ALMS1: variants seen among roughly 807,000 people sequenced by gnomAD.
ALMS1 encodes centrosome-associated protein ALMS1.
ALMS1 carries 271 observed loss-of-function variants against 352.2 expected under a neutral mutation model. The ratio of observed to expected loss-of-function variants is 0.77; its 90% CI spans 0.70 to 0.85. ALMS1 has a LOEUF of 0.85. ALMS1 is among the 40% of genes least tolerant of loss of function. ALMS1 has a pLI of 0.00. For missense variants in ALMS1, 5,445 were observed against 4,870.7 expected, an observed-to-expected ratio of 1.12 and a Z score of -3.51; for synonymous variants, 1,865 against 1,761.2, an observed-to-expected ratio of 1.06 and a Z score of -1.48.
intron 14 of ALMS1, 115 bp downstream of exon 14, chr2:73,557,469 T>G: frequency 7.6e-7 from 1 of 1,309,028 alleles, no homozygotes; most frequent in East Asian, 2.5e-5. Flanking sequence ...TGTCTTCAGC[T>G]CTCTTCTATC....
intron 18 of ALMS1, 133 bp from the exon 19 acceptor site, chr2:73,601,062 T>A (rs923679363): frequency 6.7e-7 from 1 of 1,484,388 alleles, no homozygotes; most frequent in African/African-American, 1.4e-5. Context: ...AAAACCAGAC[T>A]CAAGGGCACC....
intron 7 of ALMS1, 98 bp downstream of exon 7, chr2:73,432,389 TA>T: frequency 1.3e-6 from 1 of 798,194 alleles, no homozygotes; most frequent in Non-Finnish European, 2.1e-6. Context: ...TTAATATCTA[TA>T]ATAATTATAC....
chr2:73,404,647 CT>C (rs2103665830), intron 1 of ALMS1, among the ~76,000 whole-genome samples: 1 of 152,042 alleles, frequency 6.6e-6, no homozygotes, highest in Admixed American at 6.6e-5. Flanking sequence ...GTGTGTAATC[CT>C]TTTAACGTAC....
At chr2:73,425,859 T>G (rs1477090463) in intron 5 of ALMS1, among the ~76,000 whole-genome samples, 1 of 152,186 alleles carries the variant, frequency 6.6e-6, no homozygotes, top group Non-Finnish European at 1.5e-5. Flanking sequence ...GGCATCCAAA[T>G]TTAAAATTAC....
rs751305929 is a variant in ALMS1 at position 73,573,328 on chromosome 2, G to A, written c.11451G>A (p.Arg3817=). 6 of 1,613,950 alleles carry A rather than the reference G, an allele frequency of 3.7e-6. No individual in the cohort carries two copies. The South Asian group carries it at 4.4e-5, about 12-fold the overall frequency. The stretch of plus-strand genomic sequence containing the variant: ...ATAGCAGCATCACCAACCAACAGAG[G>A]AGATACCTTGAGAAGCGGAGCAAAC... ...KLYSSITNQQ[R]RYLEKRSKHS... Residue 3817 remains arginine (R), a synonymous_variant, in exon 16 of 23, where the codon AGG becomes AGA. Transcript: ENST00000613296.
chr2:73,472,681 C>T (rs1446454926), intron 9 of ALMS1, among the ~76,000 whole-genome samples: 2 of 152,040 alleles, frequency 1.3e-5, no homozygotes, highest in African/African-American at 4.8e-5. Context: ...TGCTCACCTA[C>T]CATTCCTTGT....
intron 1 of ALMS1, among the ~76,000 whole-genome samples, chr2:73,406,699 C>T (rs1331217499): frequency 6.6e-6 from 1 of 152,142 alleles, no homozygotes; most frequent in Non-Finnish European, 1.5e-5. Flanking sequence ...TATAGCTTTG[C>T]CCCCCAACCT....
At position 73,600,999 on chromosome 2, in the gene ALMS1, C is replaced by T. The variant is rs532735941; in HGVS notation, c.11872+118C>T. 4.3e-6 allele frequency: 6 copies of T among 1,407,076 alleles called. No homozygotes were observed. In the East Asian group the frequency reaches 7.3e-5, roughly 17 times the overall value. 87.2% of individuals were successfully genotyped at this position (1,407,076 alleles called of 1,614,324 possible). A position where few individuals can be genotyped will look rare whatever the true frequency, so the allele number is the denominator to read the frequency against. ...GGTCCCCACCTACCCCCAGCCACAA[C>T]CTTGTCAGGTTTTCAGAGTCCAGCA... On this transcript the variant is annotated intron_variant, in intron 18 of 22. Coordinates refer to ENST00000613296, the MANE Select transcript of ALMS1 (RefSeq NM_001378454.1).
At chr2:73,520,165 T>C (rs1673647750) in intron 11 of ALMS1, 149 bp downstream of exon 11, 2 of 1,006,036 alleles carry the variant, frequency 2.0e-6, no homozygotes, top group South Asian at 2.9e-5. Context: ...TTTATTTGCA[T>C]AGCTGTCAAC....
chr2:73,485,744 G>A (rs981180229), intron 9 of ALMS1, among the ~76,000 whole-genome samples: 14 of 152,238 alleles, frequency 9.2e-5, no homozygotes, highest in African/African-American at 2.9e-4. Context: ...GGCCTAGGAC[G>A]CTCGGAGCCA....
chr2:73,604,280 C>T (rs1185424652), intron 21 of ALMS1, among the ~76,000 whole-genome samples: 2 of 152,130 alleles, frequency 1.3e-5, no homozygotes, highest in African/African-American at 2.4e-5. Context: ...TTTCTGTAAT[C>T]CTACCTACTC....
At chr2:73,433,581 G>T (rs556164205) in intron 7 of ALMS1, among the ~76,000 whole-genome samples, 17 of 152,230 alleles carry the variant, frequency 1.1e-4, no homozygotes, top group African/African-American at 3.6e-4. Flanking sequence ...GGTAGAAATT[G>T]AATAAAAATT....
intron 11 of ALMS1, among the ~76,000 whole-genome samples, chr2:73,522,812 C>T (rs1673713145): frequency 6.6e-6 from 1 of 152,096 alleles, no homozygotes; most frequent in Non-Finnish European, 1.5e-5. Context: ...CTTTAGAGGT[C>T]ACTTTGCCAT....
At chr2:73,563,458 C>G (rs768489301) in intron 15 of ALMS1, among the ~76,000 whole-genome samples, 2 of 152,076 alleles carry the variant, frequency 1.3e-5, no homozygotes, top group African/African-American at 4.8e-5. Flanking sequence ...TGCGGTGGCT[C>G]ACGCCTGTAA....
intron 2 of ALMS1, among the ~76,000 whole-genome samples, chr2:73,409,882 T>G (rs1671043934): frequency 6.6e-6 from 1 of 152,112 alleles, no homozygotes; most frequent in South Asian, 2.1e-4. Flanking sequence ...TCCAAAGGCT[T>G]GAGAACCAGG....
intron 9 of ALMS1, among the ~76,000 whole-genome samples, chr2:73,483,409 C>T (rs931959916): frequency 6.6e-6 from 1 of 151,624 alleles, no homozygotes; most frequent in Admixed American, 6.6e-5. Context: ...ATCTTGAGTT[C>T]TAGTTTGATT....
At chr2:73,558,560 T>C (rs1324144257) in intron 14 of ALMS1, among the ~76,000 whole-genome samples, 1 of 152,232 alleles carries the variant, frequency 6.6e-6, no homozygotes. Context: ...CCTTATAAAT[T>C]CTATAATCAA....
chr2:73,401,717 T>C (rs1323866253), intron 1 of ALMS1, among the ~76,000 whole-genome samples: 2 of 152,144 alleles, frequency 1.3e-5, no homozygotes, highest in African/African-American at 4.8e-5. Context: ...TAAAATCCTT[T>C]TAGCAAGAAT....
chr2:73,504,682 A>G (rs1673284587), intron 10 of ALMS1, among the ~76,000 whole-genome samples: 1 of 152,200 alleles, frequency 6.6e-6, no homozygotes, highest in Non-Finnish European at 1.5e-5. Flanking sequence ...CACCTGTTGA[A>G]GGACATTGTT....
Sources: allele counts gnomAD v4.1 joint callset (sites outside exome capture counted in the v4.1 genomes callset), GRCh38; gene constraint gnomAD v4.1.1; transcripts MANE v1.5; gene names NCBI Gene and HGNC (gene_info 2026-07-23, HGNC 2026-07-21).